TSHR: variants seen among roughly 807,000 people sequenced by gnomAD.
TSHR encodes the protein thyroid stimulating hormone receptor, also known as thyrotropin receptor.
In TSHR, 51 loss-of-function variants were observed where a neutral mutation model predicts 64.1. That is an observed-to-expected ratio of 0.80 (90% confidence interval 0.64 to 1.01). The LOEUF (loss-of-function observed/expected upper bound fraction) is 1.01. TSHR is among the 50% of genes least tolerant of loss of function. The pLI, the probability that TSHR is intolerant of heterozygous loss-of-function variation, is 0.00. For missense variants in TSHR, 877 were observed against 942.8 expected (o/e 0.93, Z 0.91); for synonymous variants, 361 against 361.9 (o/e 1.00, Z 0.03).
At chr14:81,001,003 G>A (rs778978233) in intron 1 of TSHR, among the ~76,000 whole-genome samples, 3 of 152,126 alleles carry the variant, frequency 2.0e-5, no homozygotes, top group Non-Finnish European at 4.4e-5. Context: ...AAGGACAGGC[G>A]ATTCTAGGCC....
At chr14:81,052,600 G>A (rs148285948) in intron 1 of TSHR, 2 of 152,218 alleles carry the variant, frequency 1.3e-5, no homozygotes, top group East Asian at 3.9e-4. Context: ...AATTTTGATA[G>A]GATTGCACTG....
At chr14:81,132,055 TG>T (rs1206131103) in intron 8 of TSHR, among the ~76,000 whole-genome samples, 1 of 152,218 alleles carries the variant, frequency 6.6e-6, no homozygotes, top group Non-Finnish European at 1.5e-5. Context: ...CTCACTGTCT[TG>T]AATTTATACC....
At chr14:81,022,376 G>T (rs1883812308) in intron 1 of TSHR, among the ~76,000 whole-genome samples, 1 of 152,206 alleles carries the variant, frequency 6.6e-6, no homozygotes, top group African/African-American at 2.4e-5. Flanking sequence ...CAGATATTTG[G>T]TCAAAGAGTT....
chr14:80,966,871 C>T (rs1221652090), intron 1 of TSHR, among the ~76,000 whole-genome samples: 1 of 152,136 alleles, frequency 6.6e-6, no homozygotes, highest in Non-Finnish European at 1.5e-5. Flanking sequence ...TTGCACTTGA[C>T]CACCTTCTCA....
At chr14:81,104,654 T>G in intron 7 of TSHR, 4 of 985,412 alleles carry the variant, frequency 4.1e-6, no homozygotes, top group Non-Finnish European at 4.8e-6. Flanking sequence ...TAAACACACA[T>G]ATAGTACACA....
chr14:80,969,638 T>A (rs1343954315), intron 1 of TSHR, among the ~76,000 whole-genome samples: 1 of 152,218 alleles, frequency 6.6e-6, no homozygotes. Context: ...ATTGGGTCCA[T>A]GCTTGGCTTC....
intron 7 of TSHR, chr14:81,104,470 T>A: frequency 1.0e-6 from 1 of 985,340 alleles, no homozygotes; most frequent in South Asian, 4.7e-5. Context: ...CAAATTCTCT[T>A]GCCACGACAT....
At chr14:81,016,214 T>A (rs1355238592) in intron 1 of TSHR, among the ~76,000 whole-genome samples, 1 of 152,194 alleles carries the variant, frequency 6.6e-6, no homozygotes, top group East Asian at 1.9e-4. Context: ...CTTTCCACAG[T>A]GGCTGTACCA....
At chr14:81,124,086 T>A (rs1890917259) in intron 8 of TSHR, among the ~76,000 whole-genome samples, 1 of 152,202 alleles carries the variant, frequency 6.6e-6, no homozygotes, top group Non-Finnish European at 1.5e-5. Context: ...AGAGGAAATC[T>A]CTGTAATAAT....
chr14:81,001,538 A>G (rs908522766), intron 1 of TSHR: 23 of 525,016 alleles, frequency 4.4e-5, no homozygotes, highest in Non-Finnish European at 8.3e-5. Context: ...GCAAAAATTC[A>G]GCACTCATTT....
intron 8 of TSHR, among the ~76,000 whole-genome samples, chr14:81,109,526 A>G (rs539957848): frequency 1.1e-4 from 16 of 152,338 alleles, no homozygotes; most frequent in Non-Finnish European, 2.1e-4. Context: ...TTCTATTTAT[A>G]CTTATTTTTA....
At chr14:81,052,413 T>A (rs1885487642) in intron 1 of TSHR, 1 of 152,200 alleles carries the variant, frequency 6.6e-6, no homozygotes, top group Non-Finnish European at 1.5e-5. Flanking sequence ...ATGTGTCTGT[T>A]TTTATGGCAG....
At chr14:81,140,008 A>G (rs1357601425) in intron 9 of TSHR, 141 bp downstream of exon 9, 6 of 1,198,088 alleles carry the variant, frequency 5.0e-6, no homozygotes, top group African/African-American at 4.5e-5. Flanking sequence ...CAGGAAATCC[A>G]TGGGACACAG....
intron 7 of TSHR, chr14:81,107,087 T>C (rs1050226264): frequency 9.9e-5 from 15 of 152,174 alleles, no homozygotes; most frequent in African/African-American, 3.6e-4. Context: ...TCTTCAGCAC[T>C]GGTGATTGGT....
intron 1 of TSHR, among the ~76,000 whole-genome samples, chr14:80,979,784 A>G (rs1415196732): frequency 6.6e-6 from 1 of 152,204 alleles, no homozygotes; most frequent in Admixed American, 6.5e-5. Flanking sequence ...ACTAGTCTAA[A>G]TATATCTTGA....
At chr14:81,002,455 G>C (rs1019970613) in intron 1 of TSHR, among the ~76,000 whole-genome samples, 7 of 152,126 alleles carry the variant, frequency 4.6e-5, no homozygotes, top group Non-Finnish European at 2.9e-5. Flanking sequence ...TCTCAATGTT[G>C]TTGTGAAGAT....
At chr14:81,128,615 C>T (rs1010835682) in intron 8 of TSHR, among the ~76,000 whole-genome samples, 1 of 152,124 alleles carries the variant, frequency 6.6e-6, no homozygotes, top group African/African-American at 2.4e-5. Context: ...GCCACGTATT[C>T]TCTCATCCTA....
intron 1 of TSHR, among the ~76,000 whole-genome samples, chr14:81,036,818 A>C (rs1884649445): frequency 6.6e-6 from 1 of 152,148 alleles, no homozygotes; most frequent in African/African-American, 2.4e-5. Context: ...CAGGATATGA[A>C]AGGATACAAA....
At chr14:80,990,150 A>G (rs1888653936) in intron 1 of TSHR, among the ~76,000 whole-genome samples, 1 of 152,238 alleles carries the variant, frequency 6.6e-6, no homozygotes, top group Non-Finnish European at 1.5e-5. Context: ...ACAGAGTGTG[A>G]GGCAGAGATT....
Sources: allele counts gnomAD v4.1 joint callset (sites outside exome capture counted in the v4.1 genomes callset), GRCh38; gene constraint gnomAD v4.1.1; transcripts MANE v1.5; gene names NCBI Gene and HGNC (gene_info 2026-07-23, HGNC 2026-07-21).